The following CHRNA10 variants were observed in gnomAD, a reference collection of about 807,000 sequenced individuals.
The protein encoded by CHRNA10 is neuronal acetylcholine receptor subunit alpha-10.
A neutral mutation model predicts 36.0 loss-of-function variants in CHRNA10; 31 were observed. The observed-to-expected ratio is 0.86, with a 90% confidence interval of 0.65 to 1.16. CHRNA10 has a LOEUF of 1.16. CHRNA10 is among the 50% of genes most tolerant of loss of function. CHRNA10 has a pLI of 0.00. For synonymous variants in CHRNA10, 302 were observed against 287.0 expected (o/e 1.05, Z -0.53); for missense variants, 648 against 640.9 (o/e 1.01, Z -0.12).
chr11:3,670,771 A>G (rs1465935648), intron 1 of CHRNA10, among the ~76,000 whole-genome samples: 1 of 152,010 alleles, frequency 6.6e-6, no homozygotes, highest in Non-Finnish European at 1.5e-5. Flanking sequence ...GATCATTCAA[A>G]TCCTCCAGAT....
intron 3 of CHRNA10, chr11:3,668,924 G>A (rs957040092): frequency 2.7e-6 from 1 of 369,996 alleles, no homozygotes. Flanking sequence ...CTAAAAGTGT[G>A]CCCTAGAGAG....
chr11:3,667,831 G>C lies in CHRNA10; in HGVS notation c.363-67C>G, dbSNP rs951079658. The C allele has an allele frequency of 2.1e-5, 29 of 1,352,348 alleles. No homozygotes were observed. The African/African-American group carries it at 4.3e-4, about 20-fold the overall frequency. The allele number at this position is 1,352,348 out of a possible 1,614,324, so 83.8% of individuals were successfully genotyped here. A position where few individuals can be genotyped will look rare whatever the true frequency, so the allele number is the denominator to read the frequency against. ...TGAGGAGCAGCCCCGGAGGCCGGGA[G>C]CCCAGGGCAGACCCCCAGGGGCTGA... On this transcript the variant is annotated intron_variant, in intron 3 of 4. Coordinates refer to ENST00000250699, the MANE Select transcript of CHRNA10 (RefSeq NM_020402.4).
chr11:3,665,598 C>T lies in CHRNA10; in HGVS notation c.*509G>A, dbSNP rs1270903945. On this transcript the variant is annotated 3_prime_UTR_variant, in exon 5 of 5. Transcript: ENST00000250699. ...GGGCATCGAGGAGGTGCTAGGTACA[C>T]GCTTACTTTATTGAGTCAGGGATTT... The T allele has an allele frequency of 5.9e-5, 9 of 153,140 alleles. No individual in the cohort carries two copies. Among genetic ancestry groups the T allele is most frequent in the African/African-American group, 1.9e-4 (8 of 41,440 alleles). 9.5% of individuals were successfully genotyped at this position (153,140 alleles called of 1,614,324 possible).
intron 3 of CHRNA10, 97 bp downstream of exon 3, chr11:3,669,099 C>T (rs914964735): frequency 1.4e-6 from 2 of 1,383,020 alleles, no homozygotes; most frequent in Admixed American, 4.6e-5. Context: ...GCGTGGCAAC[C>T]AGGTTATGTG....
intron 3 of CHRNA10, 114 bp downstream of exon 3, chr11:3,669,082 C>T: frequency 8.1e-6 from 10 of 1,236,232 alleles, no homozygotes; most frequent in Non-Finnish European, 8.9e-6. Context: ...GAAAAGCTTC[C>T]AGGGCAGCGT....
At chr11:3,667,190 C>A (rs1330589348) in intron 4 of CHRNA10, 42 bp downstream of exon 4, 3 of 1,508,090 alleles carry the variant, frequency 2.0e-6, no homozygotes, top group African/African-American at 2.8e-5. Context: ...CCTGGGGGGA[C>A]CCCAGCGCAT....
intron 1 of CHRNA10, among the ~76,000 whole-genome samples, chr11:3,670,225 T>C (rs539256448): frequency 6.6e-6 from 1 of 152,258 alleles, no homozygotes; most frequent in East Asian, 1.9e-4. Flanking sequence ...TCTCCACAAA[T>C]GCTAGAGGGG....
In CHRNA10 at chr11:3,667,482, G is replaced by T. The variant is rs776814904; in HGVS notation, c.645C>A (p.Thr215=). The T allele has an allele frequency of 1.3e-6, 2 of 1,588,334 alleles. No homozygotes were observed. Among genetic ancestry groups the T allele is most frequent in the Non-Finnish European group, 8.5e-7 (1 of 1,173,968 alleles). The change falls in exon 4 of 5, where the codon ACC becomes ACA. Residue 215 remains threonine, a synonymous_variant. Coordinates refer to ENST00000250699, the MANE Select transcript of CHRNA10 (RefSeq NM_020402.4). ...LGMPARRRVL[T]YGCCSEPYPD... is the part of the protein sequence containing the mutation. ...GGTAGGGCTCGGAGCAGCAGCCGTA[G>T]GTGAGCACGCGCCGCCGCGCCGGCA... is the stretch of plus-strand genomic sequence containing the variant.
rs1409037189 is a variant in CHRNA10 at position 3,666,520 on chromosome 11, C to T, written c.940G>A (p.Ala314Thr). ...ATMTMVTFST[A>T]LTILIMNLHY... ...AGGTTCATGATAAGGATGGTGAGTGCTGTTGAGAATGTGACCATGGTCATA... is the reference window on the plus strand; with the variant it reads ...AGGTTCATGATAAGGATGGTGAGTGTTGTTGAGAATGTGACCATGGTCATA... Residue 314 changes from alanine to threonine, a missense_variant, in exon 5 of 5, where the codon GCA (alanine) becomes ACA (threonine). By Grantham distance (58) the Ala-to-Thr change is moderately conservative. Transcript: ENST00000250699. 2 of 1,585,708 alleles carry T rather than the reference C, an allele frequency of 1.3e-6. No individual in the cohort carries two copies. Among genetic ancestry groups the T allele is most frequent in the Non-Finnish European group, 1.7e-6 (2 of 1,163,736 alleles).
At chr11:3,666,593 T>G in intron 4 of CHRNA10, 29 bp from the exon 5 acceptor site, 1 of 1,495,232 alleles carries the variant, frequency 6.7e-7, no homozygotes, top group Non-Finnish European at 9.0e-7. Flanking sequence ...GCCAATTGAC[T>G]CAAAACAAAA....
chr11:3,667,962 A>T (rs374470427), intron 3 of CHRNA10, among the ~76,000 whole-genome samples, 198 bp from the exon 4 acceptor site: 2 of 152,232 alleles, frequency 1.3e-5, no homozygotes, highest in African/African-American at 4.8e-5. Context: ...ATGGCAGGAC[A>T]TCAGCCCTTC....
chr11:3,670,541 G>C (rs1379085869), intron 1 of CHRNA10, among the ~76,000 whole-genome samples: 2 of 152,064 alleles, frequency 1.3e-5, no homozygotes, highest in Non-Finnish European at 2.9e-5. Flanking sequence ...GTCCACTCCT[G>C]AGTTTCCCAC....
chr11:3,669,721 C>A lies in CHRNA10; in HGVS notation c.207+75G>T, dbSNP rs767608110. 3.8e-5 allele frequency: 58 copies of A among 1,546,248 alleles called. 1 individual carries two copies. In the South Asian group the frequency reaches 6.3e-4, roughly 17 times the overall value. ...GAAAAGAAATTCCATGGAGAATAAT[C>A]CCAGTCTCTCACCCCTTCATTTCTT... On this transcript the variant is annotated intron_variant, in intron 2 of 4. Transcript: ENST00000250699.
chr11:3,666,530 T>C lies in CHRNA10; in HGVS notation c.930A>G (p.Thr310=). The C allele has an allele frequency of 6.4e-7, 1 of 1,572,472 alleles. No individual in the cohort carries two copies. The highest frequency in any genetic ancestry group is 1.2e-5 in the South Asian group (1 of 85,348). ...KYYMATMTMV[T]FSTALTILIM... is the part of the protein sequence containing the mutation. Reference sequence around the variant, plus strand: ...TAAGGATGGTGAGTGCTGTTGAGAATGTGACCATGGTCATAGTGGCCATGT... The same window carrying C: ...TAAGGATGGTGAGTGCTGTTGAGAACGTGACCATGGTCATAGTGGCCATGT... Residue 310 remains threonine (T), a synonymous_variant, in exon 5 of 5, where the codon ACA becomes ACG. Transcript: ENST00000250699.
chr11:3,669,447 A>G, intron 2 of CHRNA10, 97 bp from the exon 3 acceptor site: 1 of 1,475,486 alleles, frequency 6.8e-7, no homozygotes, highest in Non-Finnish European at 9.2e-7. Context: ...CAGCACCCAC[A>G]AACCTGACTT....
chr11:3,669,244 C>A lies in CHRNA10; in HGVS notation c.314G>T (p.Arg105Leu). ...PNAYGGLDAI[R>L]IPSSLVWRPD... The stretch of plus-strand genomic sequence containing the variant: ...CCGCCACACAAGACTGCTGGGGATG[C>A]GGATGGCATCCAGGCCACCATAGGC... Residue 105 changes from arginine to leucine, a missense_variant, in exon 3 of 5, where the codon CGC (arginine) becomes CTC (leucine). Arg to Leu is a moderately radical substitution (Grantham distance 102). Coordinates refer to ENST00000250699, the MANE Select transcript of CHRNA10 (RefSeq NM_020402.4). 6.2e-7 allele frequency: 1 copy of A among 1,614,000 alleles called. No individual in the cohort carries two copies. Among genetic ancestry groups the A allele is most frequent in the South Asian group, 1.1e-5 (1 of 91,056 alleles).
At position 3,669,455 on chromosome 11, in the gene CHRNA10, CTT is replaced by C. The variant is rs886563242; in HGVS notation, c.208-107_208-106del. ...CTCTGGTCAGCACCCACAAACCTGA[CTT>C]GTCCATACCGTCCAGTTCCCACCCA... On this transcript the variant is annotated intron_variant, in intron 2 of 4. Transcript: ENST00000250699. The C allele has an allele frequency of 1.1e-5, 15 of 1,416,668 alleles. No homozygotes were observed. The African/African-American group carries it at 2.0e-4, about 19-fold the overall frequency. The allele number at this position is 1,416,668 out of a possible 1,614,324, so 87.8% of individuals were successfully genotyped here. A position where few individuals can be genotyped will look rare whatever the true frequency, so the allele number is the denominator to read the frequency against.
chr11:3,667,023 G>A (rs1019881697), intron 4 of CHRNA10, among the ~76,000 whole-genome samples: 1 of 152,226 alleles, frequency 6.6e-6, no homozygotes. Context: ...GGATACTGAT[G>A]TTCCATCATC....
intron 1 of CHRNA10, among the ~76,000 whole-genome samples, chr11:3,670,925 C>T (rs543824337): frequency 6.6e-6 from 1 of 152,328 alleles, no homozygotes; most frequent in East Asian, 1.9e-4. Flanking sequence ...TCTGACCAGG[C>T]TAGTATGCTG....
Sources: allele counts gnomAD v4.1 joint callset (sites outside exome capture counted in the v4.1 genomes callset), GRCh38; gene constraint gnomAD v4.1.1; transcripts MANE v1.5; gene names NCBI Gene and HGNC (gene_info 2026-07-23, HGNC 2026-07-21).